Variants in ACTR1A observed in about 807,000 individuals in gnomAD.
ACTR1A encodes the protein actin related protein 1A.
ACTR1A carries 10 observed loss-of-function variants against 50.7 expected under a neutral mutation model. The observed-to-expected ratio is 0.20, with a 90% CI of 0.12 to 0.33. ACTR1A has a LOEUF of 0.33. ACTR1A is among the 10% of genes least tolerant of loss of function. The probability of loss-of-function intolerance (pLI) is 1.00; values close to 1 mark genes in which losing one functional copy is unlikely to be tolerated. For missense variants in ACTR1A, 253 were observed against 491.7 expected, an observed-to-expected ratio of 0.51 and a Z score of 4.59; for synonymous variants, 177 against 184.2, an observed-to-expected ratio of 0.96 and a Z score of 0.32.
Position 102,497,645 on chromosome 10 carries a change from G to C in ACTR1A, c.48+4955C>G, listed in dbSNP as rs574969539. ...ATTAAAAAAAATCATAGGTGGAAAG[G>C]AGCACAATTTTTTTTTTTAAAGAGA... is the stretch of plus-strand genomic sequence containing the variant. On this transcript the variant is annotated intron_variant, in intron 1 of 10. Coordinates refer to ENST00000369905, the MANE Select transcript of ACTR1A (RefSeq NM_005736.4). Among the ~76,000 whole-genome samples, 16 of 135,638 alleles carry C rather than the reference G, an allele frequency of 1.2e-4. 1 individual carries two copies. The East Asian group carries it at 2.9e-3, about 25-fold the overall frequency. 89.0% of individuals were successfully genotyped at this position (135,638 alleles called of 152,430 possible). A position where few individuals can be genotyped will look rare whatever the true frequency, so the allele number is the denominator to read the frequency against.
chr10:102,483,154 C>T, intron 6 of ACTR1A, 51 bp from the exon 7 acceptor site: 1 of 1,350,882 alleles, frequency 7.4e-7, no homozygotes, highest in Non-Finnish European at 1.1e-6. Flanking sequence ...GGTGCACATC[C>T]AGTCAAAGGC....
Position 102,488,151 on chromosome 10 carries a change from T to G in ACTR1A, c.314A>C (p.Glu105Ala). The G allele has an allele frequency of 6.2e-7, 1 of 1,612,000 alleles. No individual in the cohort carries two copies. The highest frequency in any genetic ancestry group is 8.5e-7 in the Non-Finnish European group (1 of 1,178,270). The change falls in exon 4 of 11, where the codon GAG becomes GCG. Residue 105 changes from glutamate (E) to alanine (A), a missense_variant and splice_region_variant. By Grantham distance (107) the Glu-to-Ala change is moderately radical. Around this residue, in one of 4 missense-constraint regions of ACTR1A, gnomAD observed 96 missense variants for 238.7 expected, o/e 0.40. Coordinates refer to ENST00000369905, the MANE Select transcript of ACTR1A (RefSeq NM_005736.4). The surrounding 1 kb of genome is among the most constrained non-coding windows in gnomAD (Gnocchi z 4.4). ...SKDQLQTFSE[E>A]HPVLLTEAPL... Reference sequence around the variant, plus strand: ...GTGCCCTACACACAGGATCCTCACCTCCTCTGAGAAAGTCTGCAGCTGGTC... The same window carrying G: ...GTGCCCTACACACAGGATCCTCACCGCCTCTGAGAAAGTCTGCAGCTGGTC...
chr10:102,489,137 C>T lies in ACTR1A; in HGVS notation c.115G>A (p.Val39Met). The stretch of plus-strand genomic sequence containing the variant: ...ACACGAACGTGCTTGGGTCGGCCCA[C>T]ACTAGAAAAGACAGTGAGGAGGACC... ...QIPKYCFPNY[V>M]GRPKHVRVMA... The change falls in exon 3 of 11, where the codon GTG (valine) becomes ATG (methionine). Residue 39 changes from valine to methionine, a missense_variant and splice_region_variant. Coordinates refer to ENST00000369905, the MANE Select transcript of ACTR1A (RefSeq NM_005736.4). 1 of 1,569,886 alleles carries T rather than the reference C, an allele frequency of 6.4e-7. No homozygotes were observed. The highest frequency in any genetic ancestry group is 8.6e-7 in the Non-Finnish European group (1 of 1,158,138).
chr10:102,481,979 G>T, intron 8 of ACTR1A, 22 bp downstream of exon 8: 1 of 1,614,002 alleles, frequency 6.2e-7, no homozygotes, highest in Non-Finnish European at 8.5e-7. Flanking sequence ...CCAGGGGAAG[G>T]GCTCCAAGAG....
Position 102,488,705 on chromosome 10 carries a change from T to G in ACTR1A, c.189+358A>C, listed in dbSNP as rs1242084160. ...AAAGCTGTGTGAATTAACTCATCCC[T>G]AGGGTACCCCAGCCAGGATCTCCCC... On this transcript the variant is annotated intron_variant, in intron 3 of 10. Transcript: ENST00000369905. The surrounding 1 kb of genome is among the most constrained non-coding windows in gnomAD (Gnocchi z 4.4). Among the ~76,000 whole-genome samples the G allele has an allele frequency of 1.3e-5, 2 of 152,178 alleles. No individual in the cohort carries two copies. The highest frequency in any genetic ancestry group is 4.8e-5 in the African/African-American group (2 of 41,432).
In ACTR1A at chr10:102,479,373, G is replaced by A. The variant is rs1047701682; in HGVS notation, c.*1490C>T. 8 of 369,584 alleles carry A rather than the reference G, an allele frequency of 2.2e-5. No homozygotes were observed. The highest frequency in any genetic ancestry group is 1.2e-4 in the South Asian group (6 of 49,002). The allele number at this position is 369,584 out of a possible 1,614,324, so 22.9% of individuals were successfully genotyped here. A position where few individuals can be genotyped will look rare whatever the true frequency, so the allele number is the denominator to read the frequency against. The stretch of plus-strand genomic sequence containing the variant: ...CGCACTGCAGTCCGCGGGGCGCTAC[G>A]TTGCTTTCACACATACCTGCTGCTG... On this transcript the variant is annotated 3_prime_UTR_variant, in exon 11 of 11. Coordinates refer to ENST00000369905, the MANE Select transcript of ACTR1A (RefSeq NM_005736.4). The surrounding 1 kb of genome is among the most constrained non-coding windows in gnomAD (Gnocchi z 4.0).
rs1416610916 is a variant in ACTR1A at position 102,490,557 on chromosome 10, A to G, written c.105T>C (p.Phe35=). 3 of 1,612,988 alleles carry G rather than the reference A, an allele frequency of 1.9e-6. No homozygotes were observed. The highest frequency in any genetic ancestry group is 2.5e-6 in the Non-Finnish European group (3 of 1,179,134). Residue 35 remains phenylalanine, a synonymous_variant, in exon 2 of 11, where the codon TTT becomes TTC. Transcript: ENST00000369905. ...FAGDQIPKYC[F]PNYVGRPKHV... ...GCTACAGAATGACTTACTAGTTTGG[A>G]AAGCAGTATTTGGGGATCTGATCAC...
rs763549792 is a variant in ACTR1A, at chr10:102,481,151, G to A, written c.1009C>T (p.Leu337=). The change falls in exon 10 of 11, where the codon CTG becomes TTG. Residue 337 remains leucine, a synonymous_variant. Transcript: ENST00000369905. Reference sequence around the variant, plus strand: ...ACTCACCCAATCCACGTGGAATACAGTCTCTCCTGAGGTGCAGATATCTGC... The same window carrying A: ...ACTCACCCAATCCACGTGGAATACAATCTCTCCTGAGGTGCAGATATCTGC... ...KIRISAPQER[L]YSTWIGGSIL... 1.2e-6 allele frequency: 2 copies of A among 1,607,442 alleles called. No homozygotes were observed. The highest frequency in any genetic ancestry group is 2.2e-5 in the South Asian group (2 of 90,182).
In ACTR1A at chr10:102,480,508, C is replaced by G. The variant is rs565729031; in HGVS notation, c.*355G>C. 10 of 295,352 alleles carry G rather than the reference C, an allele frequency of 3.4e-5. No individual in the cohort carries two copies. Among genetic ancestry groups the G allele is most frequent in the African/African-American group, 1.9e-4 (9 of 46,346 alleles). 18.3% of individuals were successfully genotyped at this position (295,352 alleles called of 1,614,324 possible). ...GGCCAGCCCAGCCTAGGATGGTCAG[C>G]AGCAAGGTCTCCCGGGGGATGGCTT... On this transcript the variant is annotated 3_prime_UTR_variant, in exon 11 of 11. Coordinates refer to ENST00000369905, the MANE Select transcript of ACTR1A (RefSeq NM_005736.4).
At position 102,490,554 on chromosome 10, in the gene ACTR1A, T is replaced by C. The variant is rs574919437; in HGVS notation, c.108A>G (p.Pro36=). 2.8e-5 allele frequency: 45 copies of C among 1,612,778 alleles called. No homozygotes were observed. The South Asian group carries it at 4.5e-4, about 16-fold the overall frequency. ...TAAGCTACAGAATGACTTACTAGTT[T>C]GGAAAGCAGTATTTGGGGATCTGAT... ...AGDQIPKYCF[P]NYVGRPKHVR... Residue 36 remains proline (P), a synonymous_variant, in exon 2 of 11, where the codon CCA becomes CCG. Coordinates refer to ENST00000369905, the MANE Select transcript of ACTR1A (RefSeq NM_005736.4).
intron 5 of ACTR1A, 76 bp downstream of exon 5, chr10:102,485,532 TC>T: frequency 6.3e-7 from 1 of 1,593,898 alleles, no homozygotes; most frequent in South Asian, 1.1e-5. Flanking sequence ...TCTGAACCAT[TC>T]CAGAGGAGAG....
rs781570615 is a variant in ACTR1A, at chr10:102,482,216, C to A, written c.751-41G>T. The A allele has an allele frequency of 6.3e-7, 1 of 1,598,708 alleles. No homozygotes were observed. The highest frequency in any genetic ancestry group is 8.5e-7 in the Non-Finnish European group (1 of 1,175,486). On this transcript the variant is annotated intron_variant, in intron 7 of 10. Coordinates refer to ENST00000369905, the MANE Select transcript of ACTR1A (RefSeq NM_005736.4). This position sits in a 1 kb window ranked among gnomAD's most constrained non-coding sequence, Gnocchi z 5.6. The stretch of plus-strand genomic sequence containing the variant: ...CCAGCTGAAGAGGTCGGAGCTGGGA[C>A]CAAGGTCCCTTTGGGAGTGGGAATG...
chr10:102,502,682 C>T lies in ACTR1A; in HGVS notation c.-35G>A, dbSNP rs1029271695. 1.2e-6 allele frequency: 2 copies of T among 1,612,074 alleles called. No individual in the cohort carries two copies. Among genetic ancestry groups the T allele is most frequent in the African/African-American group, 1.3e-5 (1 of 74,918 alleles). On this transcript the variant is annotated 5_prime_UTR_variant, in exon 1 of 11. Transcript: ENST00000369905. ...ATCTCTCCTTCTGGGGAAGGAACTG[C>T]CCAGCCGGGTCCGCCGCTAGCGCCA...
chr10:102,483,282 G>A lies in ACTR1A; in HGVS notation c.658-179C>T, dbSNP rs1485880461. On this transcript the variant is annotated intron_variant, in intron 6 of 10. Coordinates refer to ENST00000369905, the MANE Select transcript of ACTR1A (RefSeq NM_005736.4). ...AGGTCTCTGTTGGCCTTCACTGGGTGGCATTTAGCATATGAGTTCTTAACC... is the reference window on the plus strand; with the variant it reads ...AGGTCTCTGTTGGCCTTCACTGGGTAGCATTTAGCATATGAGTTCTTAACC... The A allele has an allele frequency of 1.3e-5, 8 of 602,684 alleles. No homozygotes were observed. The African/African-American group carries it at 1.5e-4, about 11-fold the overall frequency. 37.3% of individuals were successfully genotyped at this position (602,684 alleles called of 1,614,324 possible).
intron 1 of ACTR1A, among the ~76,000 whole-genome samples, chr10:102,501,071 C>CA (rs766863418): frequency 0.018 from 1,844 of 105,346 alleles, 23 homozygotes; most frequent in South Asian, 0.027. Context: ...ACCCTGTCTC[C>CA]AAAAAAAAAA....
Position 102,502,456 on chromosome 10 carries a change from G to A in ACTR1A, c.48+144C>T, listed in dbSNP as rs2062262557. 5.3e-5 allele frequency: 43 copies of A among 819,038 alleles called. No individual in the cohort carries two copies. The South Asian group carries it at 6.4e-4, about 12-fold the overall frequency. The allele number at this position is 819,038 out of a possible 1,614,324, so 50.7% of individuals were successfully genotyped here. On this transcript the variant is annotated intron_variant, in intron 1 of 10. Transcript: ENST00000369905. ...CTTGCCTGCGGACTATGTGATAAGG[G>A]GAGGAAGGAGGCGGCGGTGGCTGAA...
At chr10:102,484,993 C>A (rs2062159990) in intron 5 of ACTR1A, among the ~76,000 whole-genome samples, 1 of 152,208 alleles carries the variant, frequency 6.6e-6, no homozygotes, top group Non-Finnish European at 1.5e-5. Context: ...GGAATGTGTG[C>A]CCGACCTTCC....
At chr10:102,485,876 G>A in intron 4 of ACTR1A, 143 bp from the exon 5 acceptor site, 1 of 1,173,626 alleles carries the variant, frequency 8.5e-7, no homozygotes, top group Non-Finnish European at 1.2e-6. Context: ...AGCTGTGCCT[G>A]TCAACTATCC....
chr10:102,493,675 C>T (rs558955935), intron 1 of ACTR1A, among the ~76,000 whole-genome samples: 6 of 152,226 alleles, frequency 3.9e-5, no homozygotes, highest in African/African-American at 1.4e-4. Flanking sequence ...GCACTTCATT[C>T]TGCTTTTTAT....
Sources: gnomAD v4.1 joint callset for allele counts (sites outside exome capture counted in the v4.1 genomes callset) on GRCh38, gnomAD v4.1.1 for gene constraint, gnomAD v4.1.1 regional missense constraint, Gnocchi (gnomAD v3.1) non-coding constraint, MANE v1.5 for transcripts, NCBI Gene and HGNC (gene_info 2026-07-23, HGNC 2026-07-21) for gene names.